Variants in XKR9 observed in about 807,000 individuals in gnomAD.
XKR9 encodes XK related 9.
Under a neutral mutation model 32.0 loss-of-function variants are expected in XKR9, and 32 were observed. The ratio of observed to expected loss-of-function variants is 1.00; its 90% CI spans 0.76 to 1.34. The LOEUF is 1.34. XKR9 is among the 40% of genes most tolerant of loss of function. XKR9 has a pLI of 0.00. For synonymous variants in XKR9, 168 were observed against 143.4 expected (o/e 1.17, Z -1.22); for missense variants, 546 against 429.7 (o/e 1.27, Z -2.39).
At chr8:70,810,575 A>G in the XKR9 span, among the ~76,000 whole-genome samples, 1 of 152,212 alleles carries the variant, frequency 6.6e-6, no homozygotes, top group Non-Finnish European at 1.5e-5. Context: ...CATAGACTCA[A>G]AATAAAGGGA....
intron 3 of XKR9, among the ~76,000 whole-genome samples, chr8:70,686,456 T>C (rs967832283): frequency 9.2e-5 from 14 of 151,830 alleles, no homozygotes; most frequent in Admixed American, 7.2e-4. Flanking sequence ...AGTTCTTTTT[T>C]CTTTTTAGAT....
At chr8:70,683,494 T>G (rs748434330) in intron 3 of XKR9, 1 of 226,660 alleles carries the variant, frequency 4.4e-6, no homozygotes, top group African/African-American at 2.4e-5. Flanking sequence ...ATTACTTTTC[T>G]TTTTTTTTTT....
chr8:70,865,081 C>G, the XKR9 span, among the ~76,000 whole-genome samples: 1 of 152,110 alleles, frequency 6.6e-6, no homozygotes, highest in Non-Finnish European at 1.5e-5. Context: ...AAGTGCCTCT[C>G]TCCTCATATT....
chr8:70,690,136 T>C (rs796155516), intron 3 of XKR9, among the ~76,000 whole-genome samples: 14 of 152,294 alleles, frequency 9.2e-5, no homozygotes, highest in African/African-American at 3.4e-4. Context: ...TAGGGGTACA[T>C]GTGAAGGTTT....
the XKR9 span, among the ~76,000 whole-genome samples, chr8:70,872,106 G>C: frequency 6.6e-6 from 1 of 152,196 alleles, no homozygotes. Context: ...GAAACTTCTA[G>C]TTCCATGTTC....
chr8:70,779,228 G>T (rs1482926115), intron 2 of XKR9, among the ~76,000 whole-genome samples: 1 of 151,856 alleles, frequency 6.6e-6, no homozygotes. Context: ...GTTTTTTGTC[G>T]TTCTGTTTAT....
At chr8:70,698,826 C>G (rs1028821370) in intron 3 of XKR9, among the ~76,000 whole-genome samples, 16 of 152,190 alleles carry the variant, frequency 1.1e-4, no homozygotes, top group East Asian at 3.9e-4. Context: ...ATCTAAGTCT[C>G]TTTGTAGGTC....
chr8:71,026,138 C>A, the XKR9 span, among the ~76,000 whole-genome samples: 1 of 152,154 alleles, frequency 6.6e-6, no homozygotes, highest in Non-Finnish European at 1.5e-5. Context: ...ACCTACTTTT[C>A]CATCTCCTTC....
intron 2 of XKR9, among the ~76,000 whole-genome samples, chr8:70,786,962 A>G (rs923443870): frequency 1.3e-5 from 2 of 152,096 alleles, no homozygotes; most frequent in African/African-American, 4.8e-5. Context: ...GTGGTTACCA[A>G]AATGTGTTTT....
the XKR9 span, among the ~76,000 whole-genome samples, chr8:71,048,732 A>G: frequency 1.3e-5 from 2 of 152,198 alleles, no homozygotes; most frequent in Admixed American, 6.5e-5. Context: ...GAGAGAAAAG[A>G]TTTCTCTTTA....
At chr8:70,854,648 G>A in the XKR9 span, among the ~76,000 whole-genome samples, 15 of 152,026 alleles carry the variant, frequency 9.9e-5, no homozygotes, top group Admixed American at 2.6e-4. Context: ...GGGTTTTTAT[G>A]GTTTTAGGTC....
At chr8:71,001,215 C>T in the XKR9 span, among the ~76,000 whole-genome samples, 1 of 152,108 alleles carries the variant, frequency 6.6e-6, no homozygotes, top group Non-Finnish European at 1.5e-5. Flanking sequence ...GAGAAATAGG[C>T]ATGGGATCGA....
At chr8:70,820,938 C>T in the XKR9 span, among the ~76,000 whole-genome samples, 1 of 152,082 alleles carries the variant, frequency 6.6e-6, no homozygotes, top group Non-Finnish European at 1.5e-5. Flanking sequence ...TCTCATGTCC[C>T]TTTCACATTT....
At chr8:70,896,639 A>T in the XKR9 span, among the ~76,000 whole-genome samples, 2 of 149,664 alleles carry the variant, frequency 1.3e-5, no homozygotes, top group Non-Finnish European at 3.0e-5. Context: ...GATTTTCTTC[A>T]TTGTTTTGTT....
intron 2 of XKR9, among the ~76,000 whole-genome samples, chr8:70,778,162 T>C (rs1373297255): frequency 1.3e-5 from 2 of 152,230 alleles, no homozygotes; most frequent in Admixed American, 6.5e-5. Flanking sequence ...AGTTTCAGCT[T>C]TCTACATATG....
chr8:70,673,393 T>C (rs1818782002), intron 1 of XKR9, among the ~76,000 whole-genome samples: 1 of 152,178 alleles, frequency 6.6e-6, no homozygotes, highest in African/African-American at 2.4e-5. Flanking sequence ...CATAGGGCCA[T>C]ACAAGGAGAT....
chr8:70,741,583 A>T (rs1713074651), intron 2 of XKR9, among the ~76,000 whole-genome samples: 1 of 152,176 alleles, frequency 6.6e-6, no homozygotes, highest in Non-Finnish European at 1.5e-5. Flanking sequence ...TCTTTTTTTA[A>T]GACTGAATAG....
At chr8:70,823,278 A>G in the XKR9 span, among the ~76,000 whole-genome samples, 5 of 152,226 alleles carry the variant, frequency 3.3e-5, no homozygotes, top group African/African-American at 1.2e-4. Flanking sequence ...GGCATAACTA[A>G]GTAGTTAATT....
the XKR9 span, among the ~76,000 whole-genome samples, chr8:70,846,801 T>G: frequency 1.3e-5 from 2 of 151,956 alleles, no homozygotes; most frequent in African/African-American, 2.4e-5. Context: ...AGAAAATAAA[T>G]TCTAAATATA....
Sources: gnomAD v4.1 joint callset for allele counts (sites outside exome capture counted in the v4.1 genomes callset) on GRCh38, gnomAD v4.1.1 for gene constraint, MANE v1.5 for transcripts, NCBI Gene and HGNC (gene_info 2026-07-23, HGNC 2026-07-21) for gene names.